The following PHF14 variants were observed in gnomAD, a reference collection of about 807,000 sequenced individuals.
The protein encoded by PHF14 is PHD finger protein 14.
PHF14 carries 55 observed loss-of-function variants against 117.9 expected under a neutral mutation model. That is an observed-to-expected ratio of 0.47 (90% CI 0.38 to 0.58). PHF14 has a LOEUF of 0.58. PHF14 is among the 20% of genes least tolerant of loss of function. The pLI is 0.00. For synonymous variants in PHF14, 409 were observed against 368.6 expected, an observed-to-expected ratio of 1.11 and a Z score of -1.26; for missense variants, 978 against 1,122.2, an observed-to-expected ratio of 0.87 and a Z score of 1.84.
intron 16 of PHF14, among the ~76,000 whole-genome samples, chr7:11,067,016 C>G (rs559625056): frequency 6.6e-6 from 1 of 152,110 alleles, no homozygotes; most frequent in Non-Finnish European, 1.5e-5. Flanking sequence ...GACACCATCA[C>G]CAGATGGTAA....
At chr7:11,122,284 C>G (rs750990149) in intron 17 of PHF14, among the ~76,000 whole-genome samples, 21 of 142,394 alleles carry the variant, frequency 1.5e-4, no homozygotes, top group Non-Finnish European at 3.0e-4. Context: ...TAACTGAAAC[C>G]TGGGAAAGCA....
At chr7:11,077,512 A>G (rs1281218920) in intron 16 of PHF14, among the ~76,000 whole-genome samples, 1 of 151,328 alleles carries the variant, frequency 6.6e-6, no homozygotes, top group East Asian at 2.0e-4. Context: ...GAGGCAGGAG[A>G]ATCACTTGAA....
At chr7:11,052,898 A>G (rs10251314) in intron 14 of PHF14, among the ~76,000 whole-genome samples, 3,849 of 152,152 alleles carry the variant, frequency 0.025, 149 homozygotes, top group African/African-American at 0.089. Flanking sequence ...AGGTACCTTG[A>G]AGGGGCCTCT....
chr7:11,129,556 T>TTC, intron 17 of PHF14, among the ~76,000 whole-genome samples: 1 of 151,062 alleles, frequency 6.6e-6, no homozygotes, highest in East Asian at 1.9e-4. Flanking sequence ...TTCTTTTTTT[T>TTC]TTTTTTTTTG....
intron 17 of PHF14, among the ~76,000 whole-genome samples, chr7:11,165,784 C>G (rs558069560): frequency 6.6e-6 from 1 of 152,322 alleles, no homozygotes; most frequent in East Asian, 1.9e-4. Context: ...AGGGTCTCCT[C>G]TATCACAAAT....
At chr7:11,089,107 A>AC (rs1786541227) in intron 16 of PHF14, among the ~76,000 whole-genome samples, 1 of 151,646 alleles carries the variant, frequency 6.6e-6, no homozygotes, top group African/African-American at 2.4e-5. Context: ...AAAAAAAAAA[A>AC]CCGTAGCCCT....
intron 4 of PHF14, among the ~76,000 whole-genome samples, chr7:11,007,421 C>A (rs563064256): frequency 1.5e-4 from 22 of 151,688 alleles, no homozygotes; most frequent in Non-Finnish European, 2.7e-4. Flanking sequence ...GATTTTTTTT[C>A]CCCCTTAACT....
At chr7:11,149,846 G>A (rs1788656799) in intron 17 of PHF14, among the ~76,000 whole-genome samples, 1 of 151,884 alleles carries the variant, frequency 6.6e-6, no homozygotes, top group African/African-American at 2.4e-5. Flanking sequence ...AGCAGGTAAG[G>A]ATAGTTTCAC....
At chr7:11,107,712 T>G in intron 16 of PHF14, 2 of 720,918 alleles carry the variant, frequency 2.8e-6, no homozygotes, top group Non-Finnish European at 3.4e-6. Context: ...CATAGACATT[T>G]GTGTTATTTA....
Position 11,042,673 on chromosome 7 carries a change from T to A in PHF14, c.2181-10T>A, listed in dbSNP as rs753553371. 6.4e-7 allele frequency: 1 copy of A among 1,550,832 alleles called. No homozygotes were observed. Among genetic ancestry groups the A allele is most frequent in the Non-Finnish European group, 8.7e-7 (1 of 1,145,010 alleles). ...TTATTGAAATCTTTACTTGCTGCCTTTATTAAAAGTTGTGGGATTTGTAAG... is the reference window on the plus strand; with the variant it reads ...TTATTGAAATCTTTACTTGCTGCCTATATTAAAAGTTGTGGGATTTGTAAG... On this transcript the variant is annotated splice_polypyrimidine_tract_variant and intron_variant, in intron 12 of 17. Transcript: ENST00000634607.
Position 11,087,383 on chromosome 7 carries a change from G to T in PHF14, c.2655-23967G>T, listed in dbSNP as rs1206345205. 2.0e-5 allele frequency among the ~76,000 whole-genome samples: 3 copies of T among 151,882 alleles called. No homozygotes were observed. In the East Asian group the frequency reaches 5.8e-4, roughly 29 times the overall value. ...ATTTTTATATTTTTAGTAGAGACGG[G>T]GTATCACCATGTTGGCCATACTGGT... On this transcript the variant is annotated intron_variant, in intron 16 of 17. Transcript: ENST00000634607.
intron 17 of PHF14, among the ~76,000 whole-genome samples, chr7:11,162,765 A>T (rs1789083935): frequency 1.3e-5 from 2 of 148,336 alleles, no homozygotes; most frequent in Admixed American, 6.8e-5. Context: ...GCATTGGCGC[A>T]ACCTCCGCTT....
At chr7:11,047,157 C>T (rs1784693923) in intron 13 of PHF14, among the ~76,000 whole-genome samples, 1 of 151,914 alleles carries the variant, frequency 6.6e-6, no homozygotes, top group Admixed American at 6.6e-5. Context: ...CAACTTCTGC[C>T]TCCTGGGTGC....
At chr7:11,125,393 C>A (rs1213313775) in intron 17 of PHF14, among the ~76,000 whole-genome samples, 1 of 152,018 alleles carries the variant, frequency 6.6e-6, no homozygotes, top group Non-Finnish European at 1.5e-5. Context: ...TGTTTTTATC[C>A]TAGTATCAGC....
rs1002468463 is a variant in PHF14 at position 11,100,132 on chromosome 7, G to T, written c.2655-11218G>T. ...GCATTCTGTTTCATCTGTTACTCCT[G>T]TATCAAGGTTTTCATTTGTATTGAT... On this transcript the variant is annotated intron_variant, in intron 16 of 17. Coordinates refer to ENST00000634607, the MANE Select transcript of PHF14 (RefSeq NM_001007157.2). 2.0e-5 allele frequency among the ~76,000 whole-genome samples: 3 copies of T among 151,908 alleles called. No individual in the cohort carries two copies. The South Asian group carries it at 6.2e-4, about 32-fold the overall frequency.
chr7:11,063,816 T>C (rs1481381553), intron 16 of PHF14: 1 of 324,400 alleles, frequency 3.1e-6, no homozygotes, highest in Non-Finnish European at 4.4e-6. Flanking sequence ...GATTTTTGAA[T>C]AGTATTACTC....
intron 9 of PHF14, 144 bp from the exon 10 acceptor site, chr7:11,036,841 A>T: frequency 2.1e-6 from 2 of 941,000 alleles, no homozygotes; most frequent in Non-Finnish European, 3.2e-6. Context: ...GGTTTTTACA[A>T]AATGCTAGGT....
chr7:11,081,307 A>G (rs1328760968), intron 16 of PHF14, among the ~76,000 whole-genome samples: 2 of 152,340 alleles, frequency 1.3e-5, no homozygotes, highest in East Asian at 3.9e-4. Flanking sequence ...GTAAAGTAAC[A>G]GCACTTGGAG....
In PHF14 at chr7:11,028,294, G is replaced by T. The variant is rs141389263; in HGVS notation, c.1318-387G>T. 7.8e-3 allele frequency among the ~76,000 whole-genome samples: 1,190 copies of T among 152,282 alleles called. 8 individuals are homozygous for T. The highest frequency in any genetic ancestry group is 0.016 in the South Asian group (76 of 4,824). On this transcript the variant is annotated intron_variant, in intron 6 of 17. Coordinates refer to ENST00000634607, the MANE Select transcript of PHF14 (RefSeq NM_001007157.2). The stretch of plus-strand genomic sequence containing the variant: ...TGGTCGTATGGGTACTGAAAGTGTG[G>T]ATTCTGCTGAGCGTGTATTGTTTTT...
Sources: allele counts gnomAD v4.1 joint callset (sites outside exome capture counted in the v4.1 genomes callset), GRCh38; gene constraint gnomAD v4.1.1; transcripts MANE v1.5; gene names NCBI Gene and HGNC (gene_info 2026-07-23, HGNC 2026-07-21).